TRAK2: variants seen among roughly 807,000 people sequenced by gnomAD.
TRAK2 encodes trafficking kinesin protein 2, also known as trafficking kinesin-binding protein 2.
A neutral mutation model predicts 104.6 loss-of-function variants in TRAK2; 81 were observed. The observed-to-expected ratio is 0.77, with a 90% CI of 0.65 to 0.93. The LOEUF is 0.93. Among genes scored for constraint, TRAK2 ranks in the 40% least tolerant of loss-of-function variants. The pLI is 0.00. For synonymous variants in TRAK2, 406 were observed against 394.4 expected, an observed-to-expected ratio of 1.03 and a Z score of -0.35; for missense variants, 1,002 against 1,089.0, an observed-to-expected ratio of 0.92 and a Z score of 1.12.
At chr2:201,383,985 A>G in intron 15 of TRAK2, 126 bp downstream of exon 15, 1 of 678,164 alleles carries the variant, frequency 1.5e-6, no homozygotes, top group Non-Finnish European at 2.5e-6. Flanking sequence ...AAATATTCTA[A>G]AGACACATTA....
intron 2 of TRAK2, chr2:201,419,281 G>C (rs1951719641): frequency 6.5e-6 from 1 of 152,828 alleles, no homozygotes; most frequent in Non-Finnish European, 1.5e-5. Flanking sequence ...TGCCCCGCCT[G>C]TTTTTGTAAA....
chr2:201,422,720 CTT>C (rs1312090077), intron 1 of TRAK2, among the ~76,000 whole-genome samples: 1 of 152,084 alleles, frequency 6.6e-6, no homozygotes, highest in Non-Finnish European at 1.5e-5. Flanking sequence ...TCAATGATAA[CTT>C]TCCAGAAACC....
chr2:201,384,378 G>T (rs1283554044), intron 14 of TRAK2, among the ~76,000 whole-genome samples, 162 bp from the exon 15 acceptor site: 10 of 152,076 alleles, frequency 6.6e-5, no homozygotes, highest in Admixed American at 3.3e-4. Flanking sequence ...GATTGTACTA[G>T]TATCAACTGG....
chr2:201,416,226 T>TAAAA (rs11398184), intron 2 of TRAK2, among the ~76,000 whole-genome samples: 1 of 90,864 alleles, frequency 1.1e-5, no homozygotes, highest in East Asian at 3.4e-4. Context: ...GACTCTACAT[T>TAAAA]AAAAAAAAAA....
chr2:201,432,567 C>T (rs1951850395), intron 1 of TRAK2, among the ~76,000 whole-genome samples: 1 of 152,156 alleles, frequency 6.6e-6, no homozygotes, highest in African/African-American at 2.4e-5. Context: ...AAAAGAACAA[C>T]CAAAACATGT....
At chr2:201,443,553 T>C (rs893865472) in intron 1 of TRAK2, among the ~76,000 whole-genome samples, 14 of 152,196 alleles carry the variant, frequency 9.2e-5, no homozygotes, top group Non-Finnish European at 1.9e-4. Flanking sequence ...GATTAAATTA[T>C]CTTTTTAGTG....
chr2:201,413,390 C>G (rs182443916), intron 2 of TRAK2: 1 of 613,276 alleles, frequency 1.6e-6, no homozygotes, highest in Non-Finnish European at 2.8e-6. Context: ...TCCCCACCCC[C>G]CTAAACACAG....
At chr2:201,434,108 C>A (rs1412091686) in intron 1 of TRAK2, among the ~76,000 whole-genome samples, 1 of 152,196 alleles carries the variant, frequency 6.6e-6, no homozygotes, top group Non-Finnish European at 1.5e-5. Flanking sequence ...CAGGCGTCCG[C>A]CACCGCGCCC....
intron 6 of TRAK2, 112 bp downstream of exon 6, chr2:201,398,033 T>C (rs1317755481): frequency 3.0e-6 from 3 of 1,013,004 alleles, no homozygotes; most frequent in Admixed American, 2.1e-5. Context: ...GACTCTCTAA[T>C]TGGAATGCCA....
At chr2:201,440,211 T>C (rs1951909721) in intron 1 of TRAK2, among the ~76,000 whole-genome samples, 1 of 152,040 alleles carries the variant, frequency 6.6e-6, no homozygotes, top group Admixed American at 6.6e-5. Flanking sequence ...AATCCCAAAT[T>C]GCTATTTTTT....
In TRAK2 at chr2:201,384,172, T is replaced by C. The variant is rs747773845; in HGVS notation, c.2008A>G (p.Thr670Ala). ...ATTCTACAGGTGGTGAAAGTGAATG[T>C]TGAGTTTGTGCACGACAGGCACTTT... Reference protein sequence around the residue: ...PGKCLSCTNSTFTFTTCRILH... With the variant: ...PGKCLSCTNSAFTFTTCRILH... Residue 670 changes from threonine to alanine, a missense_variant, in exon 15 of 16, where the codon ACA (threonine) becomes GCA (alanine). Thr to Ala is a moderately conservative substitution (Grantham distance 58). Coordinates refer to ENST00000332624, the MANE Select transcript of TRAK2 (RefSeq NM_015049.3). 1.9e-6 allele frequency: 3 copies of C among 1,613,668 alleles called. No homozygotes were observed. Among genetic ancestry groups the C allele is most frequent in the South Asian group, 2.2e-5 (2 of 91,034 alleles).
At chr2:201,427,128 T>C (rs1432592613) in intron 1 of TRAK2, among the ~76,000 whole-genome samples, 4 of 152,186 alleles carry the variant, frequency 2.6e-5, no homozygotes, top group Admixed American at 2.6e-4. Context: ...CGCACTCCTG[T>C]CGGCTTCCCC....
At chr2:201,393,571 G>T (rs969655307) in intron 9 of TRAK2, among the ~76,000 whole-genome samples, 1 of 152,072 alleles carries the variant, frequency 6.6e-6, no homozygotes, top group African/African-American at 2.4e-5. Context: ...AATTTTCAGA[G>T]TATATTTTAA....
At chr2:201,415,961 AAG>A (rs1951688593) in intron 2 of TRAK2, among the ~76,000 whole-genome samples, 5 of 152,166 alleles carry the variant, frequency 3.3e-5, no homozygotes, top group African/African-American at 1.2e-4. Flanking sequence ...ATAGGAAAAA[AAG>A]AACATTAAAG....
Position 201,380,355 on chromosome 2 carries a change from T to C in TRAK2, c.*188A>G. 3.1e-6 allele frequency: 2 copies of C among 638,830 alleles called. No individual in the cohort carries two copies. The highest frequency in any genetic ancestry group is 5.4e-6 in the Non-Finnish European group (2 of 370,510). 39.6% of individuals were successfully genotyped at this position (638,830 alleles called of 1,614,324 possible). A position where few individuals can be genotyped will look rare whatever the true frequency, so the allele number is the denominator to read the frequency against. On this transcript the variant is annotated 3_prime_UTR_variant, in exon 16 of 16. Transcript: ENST00000332624. ...ACACTCATGGCCCATTCATTTATAC[T>C]TTCAATTTGCCCGACTTCCTCCATT...
At position 201,397,548 on chromosome 2, in the gene TRAK2, A is replaced by G. The variant is rs1951512841; in HGVS notation, c.723T>C (p.Tyr241=). 1.2e-6 allele frequency: 2 copies of G among 1,612,992 alleles called. No individual in the cohort carries two copies. The highest frequency in any genetic ancestry group is 1.7e-6 in the Non-Finnish European group (2 of 1,179,218). Residue 241 remains tyrosine, a synonymous_variant, in exon 7 of 16, where the codon TAT becomes TAC. Transcript: ENST00000332624. ...ACHIKTETVT[Y]EEKEQQLVSD... The stretch of plus-strand genomic sequence containing the variant: ...TGACAAGCTGTTGTTCCTTTTCTTC[A>G]TAGGTAACAGTTTCTGTCTTTATGT...
chr2:201,429,995 T>TGATGGGGTTTTGGTGTG (rs1951827442), intron 1 of TRAK2, among the ~76,000 whole-genome samples: 1 of 152,138 alleles, frequency 6.6e-6, no homozygotes, highest in South Asian at 2.1e-4. Flanking sequence ...TCTTTGATCA[T>TGATGGGGTTTTGGTGTG]GATGGGGTTT....
At chr2:201,391,429 G>A (rs1951447331) in intron 10 of TRAK2, among the ~76,000 whole-genome samples, 1 of 152,116 alleles carries the variant, frequency 6.6e-6, no homozygotes, top group African/African-American at 2.4e-5. Flanking sequence ...TCACCATTTG[G>A]CAGTCATCAC....
At chr2:201,430,312 G>A (rs2125658623) in intron 1 of TRAK2, among the ~76,000 whole-genome samples, 1 of 152,332 alleles carries the variant, frequency 6.6e-6, no homozygotes, top group Middle Eastern at 3.4e-3. Flanking sequence ...TCTATTCTCA[G>A]ATCTCAAACT....
Sources: allele counts gnomAD v4.1 joint callset (sites outside exome capture counted in the v4.1 genomes callset), GRCh38; gene constraint gnomAD v4.1.1; transcripts MANE v1.5; gene names NCBI Gene and HGNC (gene_info 2026-07-23, HGNC 2026-07-21).